The following XYLT1 variants were observed in gnomAD, a reference collection of about 807,000 sequenced individuals.
XYLT1 encodes the protein beta-D-xylosyltransferase 1.
Under a neutral mutation model 91.3 loss-of-function variants are expected in XYLT1, and 36 were observed. The observed-to-expected ratio is 0.39, with a 90% CI of 0.30 to 0.52. The LOEUF (loss-of-function observed/expected upper bound fraction) is 0.52. Ranked by LOEUF, XYLT1 falls within the 20% of genes least tolerant of loss-of-function variation. The pLI is 0.68. For missense variants in XYLT1, 1,242 were observed against 1,284.5 expected, an observed-to-expected ratio of 0.97 and a Z score of 0.51; for synonymous variants, 588 against 532.0, an observed-to-expected ratio of 1.11 and a Z score of -1.45.
chr16:17,194,988 C>G (rs2032394689), intron 5 of XYLT1, among the ~76,000 whole-genome samples: 1 of 152,198 alleles, frequency 6.6e-6, no homozygotes, highest in South Asian at 2.1e-4. Context: ...TTTTATTATA[C>G]TCTATCCATT....
At position 17,454,903 on chromosome 16, in the gene XYLT1, TCCCCCCCCCG is replaced by T. The variant is rs1227697354; in HGVS notation, c.363+15521_363+15530del. Among the ~76,000 whole-genome samples, 20 of 36,968 alleles carry T rather than the reference TCCCCCCCCCG, an allele frequency of 5.4e-4. 4 individuals carry two copies. Among genetic ancestry groups the T allele is most frequent in the Admixed American group, 1.2e-3 (4 of 3,342 alleles). The allele number at this position is 36,968 out of a possible 152,430, so 24.3% of individuals were successfully genotyped here. A position where few individuals can be genotyped will look rare whatever the true frequency, so the allele number is the denominator to read the frequency against. On this transcript the variant is annotated intron_variant, in intron 1 of 11. Transcript: ENST00000261381. ...CGCGTCACAAAATATCATTCTTTCC[TCCCCCCCCCG>T]CCCCCCCCCGCAACTATTTAAAAAC...
chr16:17,223,138 C>T (rs2033002077), intron 3 of XYLT1, among the ~76,000 whole-genome samples: 1 of 152,186 alleles, frequency 6.6e-6, no homozygotes, highest in African/African-American at 2.4e-5. Context: ...ACTAACCTGT[C>T]AGCCAGTAAC....
At chr16:17,443,028 C>T (rs919861881) in intron 1 of XYLT1, among the ~76,000 whole-genome samples, 9 of 152,102 alleles carry the variant, frequency 5.9e-5, no homozygotes, top group South Asian at 4.1e-4. Context: ...GAGGACTGGA[C>T]GCATTGGAGC....
chr16:17,142,733 G>T (rs948115503), intron 6 of XYLT1, among the ~76,000 whole-genome samples: 23 of 151,840 alleles, frequency 1.5e-4, no homozygotes, highest in African/African-American at 5.6e-4. Context: ...GTAAGCCATT[G>T]CGCCTGGCCT....
intron 3 of XYLT1, among the ~76,000 whole-genome samples, chr16:17,252,559 G>A (rs1037881305): frequency 6.6e-6 from 1 of 152,086 alleles, no homozygotes; most frequent in African/African-American, 2.4e-5. Flanking sequence ...TCTTCCCCTC[G>A]TGAAAACAGC....
chr16:17,243,419 A>G (rs2033379906), intron 3 of XYLT1, among the ~76,000 whole-genome samples: 1 of 152,246 alleles, frequency 6.6e-6, no homozygotes, highest in East Asian at 1.9e-4. Context: ...ACTCTATAGG[A>G]GAATCCTCAT....
intron 2 of XYLT1, among the ~76,000 whole-genome samples, chr16:17,334,434 C>T (rs1220369184): frequency 1.3e-5 from 2 of 152,080 alleles, no homozygotes; most frequent in Non-Finnish European, 2.9e-5. Context: ...CTGCCATGAC[C>T]TCCACCCCAT....
chr16:17,145,948 A>G (rs2031119914), intron 6 of XYLT1, among the ~76,000 whole-genome samples: 2 of 152,118 alleles, frequency 1.3e-5, no homozygotes, highest in Admixed American at 1.3e-4. Flanking sequence ...TCACTACAAC[A>G]CACTTTGGCT....
intron 2 of XYLT1, among the ~76,000 whole-genome samples, chr16:17,273,571 T>C (rs11863057): frequency 0.1 from 15,688 of 152,208 alleles, 1,062 homozygotes; most frequent in African/African-American, 0.19. Context: ...ACGCCAGGCA[T>C]GGTGGCTCAT....
At chr16:17,220,249 A>G (rs151069765) in intron 3 of XYLT1, among the ~76,000 whole-genome samples, 258 of 152,320 alleles carry the variant, frequency 1.7e-3, no homozygotes, top group African/African-American at 5.9e-3. Context: ...TTAAATGAGA[A>G]AGGCAGAGAA....
intron 2 of XYLT1, among the ~76,000 whole-genome samples, chr16:17,344,350 G>T (rs1456969023): frequency 6.6e-6 from 1 of 151,228 alleles, no homozygotes; most frequent in East Asian, 2.0e-4. Flanking sequence ...AAAATTAGCC[G>T]GGCGTGGTGG....
chr16:17,357,860 T>C, intron 2 of XYLT1, 152 bp downstream of exon 2: 1 of 761,304 alleles, frequency 1.3e-6, no homozygotes, highest in Non-Finnish European at 2.1e-6. Context: ...TATATGCCAG[T>C]GTGTATACAT....
At chr16:17,433,603 C>A (rs528857094) in intron 1 of XYLT1, among the ~76,000 whole-genome samples, 1 of 152,280 alleles carries the variant, frequency 6.6e-6, no homozygotes, top group South Asian at 2.1e-4. Flanking sequence ...GGATGGCCCA[C>A]AAGTGGGTCC....
intron 2 of XYLT1, among the ~76,000 whole-genome samples, chr16:17,293,927 G>C (rs991381304): frequency 5.9e-5 from 9 of 152,158 alleles, no homozygotes; most frequent in African/African-American, 2.2e-4. Flanking sequence ...AAGACAGGAG[G>C]GGTTCATGCT....
chr16:17,405,361 A>G (rs2036019616), intron 1 of XYLT1, among the ~76,000 whole-genome samples: 1 of 152,212 alleles, frequency 6.6e-6, no homozygotes, highest in Non-Finnish European at 1.5e-5. Flanking sequence ...AAGGCCTTGA[A>G]AAGTCACTTT....
chr16:17,421,276 G>C lies in XYLT1; in HGVS notation c.363+49158C>G, dbSNP rs577588576. Among the ~76,000 whole-genome samples, 9 of 152,274 alleles carry C rather than the reference G, an allele frequency of 5.9e-5. No homozygotes were observed. The South Asian group carries it at 1.9e-3, about 32-fold the overall frequency. ...ACTACAAGGCTCCTGAAAAATCCCT[G>C]CCAATTAAGGAGTGACAGACTGCAT... is the stretch of plus-strand genomic sequence containing the variant. On this transcript the variant is annotated intron_variant, in intron 1 of 11. Transcript: ENST00000261381.
intron 1 of XYLT1, among the ~76,000 whole-genome samples, chr16:17,425,951 A>C (rs1226785181): frequency 2.0e-5 from 3 of 152,196 alleles, no homozygotes; most frequent in African/African-American, 7.2e-5. Flanking sequence ...TACCATGACC[A>C]CTTCCATGTC....
chr16:17,363,203 CTG>C (rs1198015877), intron 1 of XYLT1, among the ~76,000 whole-genome samples: 2 of 152,236 alleles, frequency 1.3e-5, no homozygotes, highest in African/African-American at 2.4e-5. Flanking sequence ...TAAAGGGACA[CTG>C]TCACTTAGCT....
intron 6 of XYLT1, among the ~76,000 whole-genome samples, chr16:17,156,081 G>A (rs2031399931): frequency 6.6e-6 from 1 of 152,180 alleles, no homozygotes. Flanking sequence ...GAATAAATGA[G>A]TATAGGTCTA....
Sources: allele counts gnomAD v4.1 joint callset (sites outside exome capture counted in the v4.1 genomes callset), GRCh38; gene constraint gnomAD v4.1.1; transcripts MANE v1.5; gene names NCBI Gene and HGNC (gene_info 2026-07-23, HGNC 2026-07-21).